CACNA1C: variants seen among roughly 807,000 people sequenced by gnomAD.
CACNA1C encodes the protein voltage-dependent L-type calcium channel subunit alpha-1C.
A neutral mutation model predicts 229.0 loss-of-function variants in CACNA1C; 30 were observed. The ratio of observed to expected loss-of-function variants is 0.13; its 90% CI spans 0.10 to 0.18. The LOEUF (loss-of-function observed/expected upper bound fraction) is 0.18, where lower values mean the gene tolerates loss of function less well. Ranked by LOEUF, CACNA1C falls within the 10% of genes least tolerant of loss-of-function variation. The pLI, the probability that CACNA1C is intolerant of heterozygous loss-of-function variation, is 1.00. For missense variants in CACNA1C, 1,658 were observed against 2,845.0 expected (o/e 0.58, Z 9.49); for synonymous variants, 1,114 against 1,132.5 (o/e 0.98, Z 0.33).
At chr12:2,178,652 C>T (rs1358755170) in intron 3 of CACNA1C, among the ~76,000 whole-genome samples, 2 of 152,166 alleles carry the variant, frequency 1.3e-5, no homozygotes, top group Admixed American at 6.5e-5. Context: ...TCTCCGACTT[C>T]CTTCATGACC....
At chr12:2,137,789 A>G (rs1337625322) in intron 3 of CACNA1C, among the ~76,000 whole-genome samples, 1 of 151,308 alleles carries the variant, frequency 6.6e-6, no homozygotes, top group South Asian at 2.1e-4. Flanking sequence ...CAAGTTCCAA[A>G]TTTAGTTCTT....
intron 3 of CACNA1C, among the ~76,000 whole-genome samples, chr12:2,332,181 T>C (rs1188229633): frequency 1.3e-5 from 2 of 152,242 alleles, no homozygotes; most frequent in East Asian, 1.9e-4. Flanking sequence ...TGTGTGTTTA[T>C]GTATGTGTAT....
intron 3 of CACNA1C, among the ~76,000 whole-genome samples, chr12:2,415,129 G>T (rs773039086): frequency 2.6e-5 from 4 of 152,310 alleles, no homozygotes; most frequent in African/African-American, 4.8e-5. Flanking sequence ...GGGTGGCGAG[G>T]GGGCTCACGC....
intron 1 of CACNA1C, among the ~76,000 whole-genome samples, chr12:1,998,928 G>T (rs2041550227): frequency 6.6e-6 from 1 of 152,152 alleles, no homozygotes; most frequent in African/African-American, 2.4e-5. Context: ...TAATTCTGGT[G>T]AAAAATACGC....
At chr12:2,582,710 T>A in intron 14 of CACNA1C, 112 bp from the exon 15 acceptor site, 4 of 1,185,252 alleles carry the variant, frequency 3.4e-6, no homozygotes, top group Non-Finnish European at 4.8e-6. Flanking sequence ...GGGAAAGAAG[T>A]GAAAGGGAAA....
chr12:2,435,962 TG>T (rs2099130814), intron 3 of CACNA1C, among the ~76,000 whole-genome samples: 1 of 152,158 alleles, frequency 6.6e-6, no homozygotes, highest in Admixed American at 6.5e-5. Flanking sequence ...ACCGAGAGGC[TG>T]GGCAAGCCAA....
chr12:2,102,987 A>T (rs2076986427), intron 1 of CACNA1C, among the ~76,000 whole-genome samples: 1 of 152,172 alleles, frequency 6.6e-6, no homozygotes, highest in African/African-American at 2.4e-5. Flanking sequence ...TCTATCATTG[A>T]TGGGCATTTG....
chr12:2,597,488 A>G lies in CACNA1C; in HGVS notation c.2853+199A>G. ...CACTAGTATCTTTACATTAGAAATT[A>G]TCCTTAAGGTAATGCAACCTGGGCA... On this transcript the variant is annotated intron_variant, in intron 21 of 46. Coordinates refer to ENST00000399655, the MANE Select transcript of CACNA1C (RefSeq NM_000719.7). The surrounding 1 kb of genome is among the most constrained non-coding windows in gnomAD (Gnocchi z 4.3). 1 of 1,601,862 alleles carries G rather than the reference A, an allele frequency of 6.2e-7. No individual in the cohort carries two copies. The highest frequency in any genetic ancestry group is 8.6e-7 in the Non-Finnish European group (1 of 1,168,810).
intron 3 of CACNA1C, among the ~76,000 whole-genome samples, chr12:2,349,570 T>C (rs1231976403): frequency 2.6e-5 from 4 of 152,090 alleles, no homozygotes; most frequent in Non-Finnish European, 5.9e-5. Flanking sequence ...TCCTCCCCTC[T>C]GGAATTTTAG....
At chr12:2,343,979 G>A (rs2096934418) in intron 3 of CACNA1C, among the ~76,000 whole-genome samples, 3 of 152,176 alleles carry the variant, frequency 2.0e-5, no homozygotes, top group Non-Finnish European at 4.4e-5. Context: ...CCTGGAAATA[G>A]AGAAAACGGT....
chr12:2,415,464 A>T (rs887332833), intron 3 of CACNA1C, among the ~76,000 whole-genome samples: 2 of 152,240 alleles, frequency 1.3e-5, no homozygotes, highest in Admixed American at 6.5e-5. Flanking sequence ...GGAAATATTC[A>T]GCTTTTCTTC....
chr12:1,985,520 C>T (rs1490703104), intron 1 of CACNA1C, among the ~76,000 whole-genome samples: 4 of 152,076 alleles, frequency 2.6e-5, no homozygotes, highest in African/African-American at 9.7e-5. Context: ...CCAGTTTTAC[C>T]TCACAGAGCA....
At chr12:2,195,953 C>T (rs1190326100) in intron 3 of CACNA1C, among the ~76,000 whole-genome samples, 2 of 152,176 alleles carry the variant, frequency 1.3e-5, no homozygotes, top group African/African-American at 2.4e-5. Context: ...CCTGGAGCAT[C>T]GCTGGCAGAG....
At chr12:2,289,061 CTAAT>C (rs1392513881) in intron 3 of CACNA1C, 1 of 152,204 alleles carries the variant, frequency 6.6e-6, no homozygotes, top group Non-Finnish European at 1.5e-5. Flanking sequence ...ATGCCTTTGA[CTAAT>C]TATGCACCAA....
chr12:2,106,658 T>C (rs2078844860), intron 1 of CACNA1C, among the ~76,000 whole-genome samples: 1 of 63,980 alleles, frequency 1.6e-5, no homozygotes, highest in Non-Finnish European at 3.9e-5. Flanking sequence ...GGGGAGGGTT[T>C]CCACCTCAGC....
At chr12:2,380,009 C>A (rs1353997647) in intron 3 of CACNA1C, among the ~76,000 whole-genome samples, 1 of 116,752 alleles carries the variant, frequency 8.6e-6, no homozygotes, top group South Asian at 2.6e-4. Context: ...CCAGCCTGGG[C>A]GACAGAGCGA....
intron 9 of CACNA1C, among the ~76,000 whole-genome samples, chr12:2,513,803 T>C (rs947922836): frequency 6.6e-6 from 1 of 152,184 alleles, no homozygotes; most frequent in Non-Finnish European, 1.5e-5. Context: ...TCCAGATCTA[T>C]TGACCCAGAA....
intron 1 of CACNA1C, among the ~76,000 whole-genome samples, chr12:2,032,213 T>A (rs2048358114): frequency 6.6e-6 from 1 of 152,086 alleles, no homozygotes; most frequent in Non-Finnish European, 1.5e-5. Flanking sequence ...CATCCATCTC[T>A]GCTTGAGTTC....
chr12:2,445,632 G>T (rs1012038024), intron 3 of CACNA1C, among the ~76,000 whole-genome samples: 2 of 152,138 alleles, frequency 1.3e-5, no homozygotes, highest in Admixed American at 6.5e-5. Context: ...CCAGGATGCT[G>T]CTGGCCCTGC....
Sources: allele counts gnomAD v4.1 joint callset (sites outside exome capture counted in the v4.1 genomes callset), GRCh38; gene constraint gnomAD v4.1.1; non-coding constraint Gnocchi (gnomAD v3.1); transcripts MANE v1.5; gene names NCBI Gene and HGNC (gene_info 2026-07-23, HGNC 2026-07-21).